The following GRID2 variants were observed in gnomAD, a reference collection of about 807,000 sequenced individuals.
The protein encoded by GRID2 is glutamate ionotropic receptor delta type subunit 2.
A neutral mutation model predicts 114.8 loss-of-function variants in GRID2; 33 were observed. The observed-to-expected ratio is 0.29, with a 90% CI of 0.22 to 0.38. The LOEUF (loss-of-function observed/expected upper bound fraction) is 0.38. Ranked by LOEUF, GRID2 falls within the 10% of genes least tolerant of loss-of-function variation. The probability of loss-of-function intolerance (pLI) is 1.00; values close to 1 mark genes in which losing one functional copy is unlikely to be tolerated. For synonymous variants in GRID2, 505 were observed against 449.9 expected, an observed-to-expected ratio of 1.12 and a Z score of -1.55; for missense variants, 1,184 against 1,257.7, an observed-to-expected ratio of 0.94 and a Z score of 0.89.
chr4:93,442,189 G>C (rs1721684115), intron 10 of GRID2, among the ~76,000 whole-genome samples: 1 of 151,968 alleles, frequency 6.6e-6, no homozygotes, highest in Admixed American at 6.6e-5. Flanking sequence ...CTATAATGAA[G>C]ATAAAAATTC....
At chr4:93,459,167 T>G (rs1303955715) in intron 11 of GRID2, among the ~76,000 whole-genome samples, 2 of 88,096 alleles carry the variant, frequency 2.3e-5, no homozygotes, top group East Asian at 3.0e-4. Context: ...ATGACAAGAG[T>G]GAAACTCCAT....
At chr4:92,512,864 T>C (rs1724325696) in intron 1 of GRID2, among the ~76,000 whole-genome samples, 1 of 151,896 alleles carries the variant, frequency 6.6e-6, no homozygotes, top group African/African-American at 2.4e-5. Flanking sequence ...TCTTTTTTAG[T>C]TGGCTGTAAT....
At chr4:93,052,855 G>T (rs17263777) in intron 2 of GRID2, among the ~76,000 whole-genome samples, 3,252 of 151,934 alleles carry the variant, frequency 0.021, 41 homozygotes, top group East Asian at 0.053. Context: ...CTATTCTGGA[G>T]TGTCCCATCA....
chr4:92,399,665 C>A (rs13136802), intron 1 of GRID2, among the ~76,000 whole-genome samples: 52,162 of 133,436 alleles, frequency 0.39, 10,235 homozygotes, highest in East Asian at 0.68. Context: ...CTCTCTCTCT[C>A]TATATATATA....
chr4:93,025,394 T>C (rs560654662), intron 2 of GRID2, among the ~76,000 whole-genome samples: 1 of 151,898 alleles, frequency 6.6e-6, no homozygotes, highest in South Asian at 2.1e-4. Context: ...CTGAACTTAG[T>C]AAGATTAGCC....
chr4:93,304,454 G>A (rs557962236), intron 8 of GRID2, among the ~76,000 whole-genome samples: 34 of 151,790 alleles, frequency 2.2e-4, no homozygotes, highest in East Asian at 7.8e-4. Context: ...GAAAAGTATG[G>A]CTTCTCTTTG....
At position 93,407,776 on chromosome 4, in the gene GRID2, T is replaced by C. The variant is rs189157217; in HGVS notation, c.1347+12068T>C. Among the ~76,000 whole-genome samples, 797 of 116,036 alleles carry C rather than the reference T, an allele frequency of 6.9e-3. 16 individuals are homozygous for C. Among genetic ancestry groups the C allele is most frequent in the African/African-American group, 0.029 (732 of 25,428 alleles). The allele number at this position is 116,036 out of a possible 152,430, so 76.1% of individuals were successfully genotyped here. On this transcript the variant is annotated intron_variant, in intron 9 of 15. Coordinates refer to ENST00000282020, the MANE Select transcript of GRID2 (RefSeq NM_001510.4). ...CTCCTCGTCCTCCTCCTCCTCCTCC[T>C]CATCCTCCTCGTCCTCCTCCTCGTC...
At chr4:92,644,526 T>C (rs926111701) in intron 2 of GRID2, among the ~76,000 whole-genome samples, 21 of 151,862 alleles carry the variant, frequency 1.4e-4, no homozygotes, top group Admixed American at 1.1e-3. Flanking sequence ...CTTTTATAGA[T>C]GTCATACATT....
chr4:92,921,018 C>G (rs1004199513), intron 2 of GRID2, among the ~76,000 whole-genome samples: 1 of 152,132 alleles, frequency 6.6e-6, no homozygotes, highest in Non-Finnish European at 1.5e-5. Flanking sequence ...TTCACATAGT[C>G]CCATATTTCT....
intron 1 of GRID2, among the ~76,000 whole-genome samples, chr4:92,576,270 G>A (rs553998644): frequency 6.6e-6 from 1 of 152,234 alleles, no homozygotes; most frequent in African/African-American, 2.4e-5. Flanking sequence ...TGCACTGTTG[G>A]AATCCTTCCT....
intron 1 of GRID2, among the ~76,000 whole-genome samples, chr4:92,554,781 C>T (rs1010984225): frequency 6.6e-6 from 1 of 152,108 alleles, no homozygotes; most frequent in Non-Finnish European, 1.5e-5. Flanking sequence ...TGAATAGAAT[C>T]CCAATCAGGA....
intron 14 of GRID2, among the ~76,000 whole-genome samples, chr4:93,766,300 C>T (rs918997902): frequency 6.6e-6 from 1 of 152,100 alleles, no homozygotes; most frequent in Non-Finnish European, 1.5e-5. Context: ...CTGGGGAGGC[C>T]TCAGGAAACT....
Position 93,646,450 on chromosome 4 carries a change from G to A in GRID2, c.2360+20015G>A, listed in dbSNP as rs977669088. 2.6e-5 allele frequency among the ~76,000 whole-genome samples: 4 copies of A among 152,238 alleles called. No homozygotes were observed. In the South Asian group the frequency reaches 6.2e-4, roughly 24 times the overall value. ...GACTCAAAGAGAGGGAACAAACAAG[G>A]CAGTCATATAAAAGGAGATTAAAGA... On this transcript the variant is annotated intron_variant, in intron 14 of 15. Coordinates refer to ENST00000282020, the MANE Select transcript of GRID2 (RefSeq NM_001510.4).
chr4:93,652,784 T>TAAAAAAAAA (rs200098114), intron 14 of GRID2, among the ~76,000 whole-genome samples: 6 of 86,386 alleles, frequency 6.9e-5, no homozygotes, highest in East Asian at 5.1e-4. Context: ...CAGTAAATGC[T>TAAAAAAAAA]AAAAAAAAAA....
chr4:93,783,184 G>A (rs150515253), intron 1 of GRID2, among the ~76,000 whole-genome samples: 120 of 152,388 alleles, frequency 7.9e-4, no homozygotes, highest in African/African-American at 2.5e-3. Flanking sequence ...CTGACCAGGT[G>A]CCAGGCTCAG....
intron 7 of GRID2, among the ~76,000 whole-genome samples, chr4:93,233,347 AT>A (rs1465078640): frequency 6.9e-6 from 1 of 144,106 alleles, no homozygotes; most frequent in East Asian, 2.0e-4. Context: ...TTTTTTTTTT[AT>A]TTTTTATTTT....
intron 1 of GRID2, among the ~76,000 whole-genome samples, chr4:92,378,283 C>G (rs1379635582): frequency 6.6e-6 from 1 of 151,892 alleles, no homozygotes; most frequent in Admixed American, 6.6e-5. Context: ...TTGCTTCAAA[C>G]CACTCTCAGA....
At chr4:93,426,859 T>C (rs1008609131) in intron 10 of GRID2, among the ~76,000 whole-genome samples, 1 of 152,066 alleles carries the variant, frequency 6.6e-6, no homozygotes, top group African/African-American at 2.4e-5. Flanking sequence ...AAATTATTCA[T>C]TGGAACTAGG....
chr4:92,811,709 A>T (rs570055340), intron 2 of GRID2, among the ~76,000 whole-genome samples: 4 of 152,238 alleles, frequency 2.6e-5, no homozygotes, highest in African/African-American at 9.6e-5. Flanking sequence ...ATTTTATAAT[A>T]TAATTTTATT....
Sources: allele counts gnomAD v4.1 joint callset (sites outside exome capture counted in the v4.1 genomes callset), GRCh38; gene constraint gnomAD v4.1.1; transcripts MANE v1.5; gene names NCBI Gene and HGNC (gene_info 2026-07-23, HGNC 2026-07-21).